The following VRK2 variants were observed in gnomAD, a reference collection of about 807,000 sequenced individuals.
VRK2 encodes VRK serine/threonine kinase 2.
In VRK2, 60 loss-of-function variants were observed where a neutral mutation model predicts 57.6. The observed-to-expected ratio is 1.04, with a 90% CI of 0.85 to 1.29. The LOEUF (loss-of-function observed/expected upper bound fraction) is 1.29, where lower values mean the gene tolerates loss of function less well. Ranked by LOEUF, VRK2 falls within the 50% of genes most tolerant of loss-of-function variation. VRK2 has a pLI of 0.00. For missense variants in VRK2, 705 were observed against 588.1 expected (o/e 1.20, Z -2.06); for synonymous variants, 231 against 199.2 (o/e 1.16, Z -1.35).
chr2:57,948,674 T>A (rs1444855198), intron 1 of VRK2, among the ~76,000 whole-genome samples: 1 of 152,160 alleles, frequency 6.6e-6, no homozygotes, highest in Non-Finnish European at 1.5e-5. Context: ...AAGATTTGGA[T>A]ACCATCTGTG....
chr2:58,082,444 G>A (rs2104124150), intron 2 of VRK2, among the ~76,000 whole-genome samples: 1 of 151,962 alleles, frequency 6.6e-6, no homozygotes. Context: ...ACCTCAGGTA[G>A]CAAAGACAAG....
intron 2 of VRK2, among the ~76,000 whole-genome samples, chr2:58,067,828 C>G (rs949630423): frequency 2.0e-5 from 3 of 152,096 alleles, no homozygotes; most frequent in African/African-American, 7.2e-5. Flanking sequence ...ATCATGTTTT[C>G]TCTTCCTTTA....
intron 2 of VRK2, among the ~76,000 whole-genome samples, chr2:58,074,669 A>T (rs1669836028): frequency 6.6e-6 from 1 of 152,102 alleles, no homozygotes; most frequent in Non-Finnish European, 1.5e-5. Flanking sequence ...CAATTAAAAT[A>T]AAAAAATAAG....
intron 1 of VRK2, among the ~76,000 whole-genome samples, chr2:57,947,911 G>A (rs1671309928): frequency 6.6e-6 from 1 of 152,108 alleles, no homozygotes; most frequent in Non-Finnish European, 1.5e-5. Context: ...CACATTTGGT[G>A]TATTTTCCTA....
intron 9 of VRK2, among the ~76,000 whole-genome samples, chr2:58,132,419 A>G (rs1239705343): frequency 6.6e-6 from 1 of 152,214 alleles, no homozygotes; most frequent in African/African-American, 2.4e-5. Flanking sequence ...TACATGAGCT[A>G]TTTATATGAG....
intron 1 of VRK2, among the ~76,000 whole-genome samples, chr2:57,929,305 A>T (rs1007143266): frequency 1.3e-5 from 2 of 151,972 alleles, no homozygotes; most frequent in African/African-American, 4.8e-5. Flanking sequence ...TCCCCTTTCC[A>T]TAAGCAAAGC....
At chr2:57,955,835 T>C (rs893422195) in intron 1 of VRK2, among the ~76,000 whole-genome samples, 1 of 152,136 alleles carries the variant, frequency 6.6e-6, no homozygotes, top group Non-Finnish European at 1.5e-5. Flanking sequence ...ACGATCATAA[T>C]TTAGCAAAAA....
chr2:58,039,249 T>C (rs913036503), intron 3 of VRK2, among the ~76,000 whole-genome samples: 2 of 152,152 alleles, frequency 1.3e-5, no homozygotes, highest in African/African-American at 2.4e-5. Context: ...CAGCCAAAGA[T>C]AACCGAAAGC....
At chr2:57,977,937 A>G (rs1436671097) in intron 1 of VRK2, among the ~76,000 whole-genome samples, 1 of 151,100 alleles carries the variant, frequency 6.6e-6, no homozygotes, top group Non-Finnish European at 1.5e-5. Flanking sequence ...AGGGTGTTGA[A>G]TTTTATCTAA....
intron 1 of VRK2, among the ~76,000 whole-genome samples, chr2:57,922,140 G>T (rs187063836): frequency 6.6e-6 from 1 of 152,006 alleles, no homozygotes; most frequent in East Asian, 1.9e-4. Context: ...TAAGTTGAGT[G>T]GATTTGGATC....
At chr2:57,946,073 C>G (rs1309705974) in intron 1 of VRK2, among the ~76,000 whole-genome samples, 1 of 152,072 alleles carries the variant, frequency 6.6e-6, no homozygotes, top group Non-Finnish European at 1.5e-5. Flanking sequence ...CAAGCTTTTA[C>G]ATAAATTTGC....
intron 1 of VRK2, among the ~76,000 whole-genome samples, chr2:57,947,893 G>T (rs936571477): frequency 6.6e-6 from 1 of 151,940 alleles, no homozygotes; most frequent in African/African-American, 2.4e-5. Flanking sequence ...TCTCTTCAGC[G>T]ATTTCTCCAC....
At chr2:58,024,137 C>T (rs955730160) in intron 1 of VRK2, among the ~76,000 whole-genome samples, 7 of 151,972 alleles carry the variant, frequency 4.6e-5, no homozygotes, top group Non-Finnish European at 8.8e-5. Flanking sequence ...CTACAGGCGC[C>T]GGCCACCAAA....
intron 5 of VRK2, 39 bp downstream of exon 5, chr2:58,086,465 C>A: frequency 6.6e-7 from 1 of 1,514,526 alleles, no homozygotes; most frequent in South Asian, 1.2e-5. Flanking sequence ...TTCTTTATAA[C>A]TATTCCTTAT....
intron 1 of VRK2, among the ~76,000 whole-genome samples, chr2:58,004,942 A>G (rs1377664858): frequency 6.6e-6 from 1 of 152,178 alleles, no homozygotes; most frequent in Non-Finnish European, 1.5e-5. Flanking sequence ...GTGAATGTAG[A>G]GACTTACAGT....
chr2:58,030,508 T>C (rs556950678), intron 2 of VRK2, among the ~76,000 whole-genome samples: 2 of 152,224 alleles, frequency 1.3e-5, no homozygotes, highest in South Asian at 4.1e-4. Context: ...GCCATCATCC[T>C]AAGCTTTGGC....
intron 2 of VRK2, among the ~76,000 whole-genome samples, chr2:58,082,467 G>A (rs1469505129): frequency 6.6e-6 from 1 of 151,800 alleles, no homozygotes; most frequent in African/African-American, 2.4e-5. Context: ...CCTAAAGTAG[G>A]TACTGTTTTA....
At chr2:58,119,598 C>G (rs1279206976) in intron 7 of VRK2, among the ~76,000 whole-genome samples, 1 of 151,280 alleles carries the variant, frequency 6.6e-6, no homozygotes. Flanking sequence ...AGATTAGTGA[C>G]TTGACTTCTT....
Position 58,062,931 on chromosome 2 carries a change from T to A in VRK2, c.136+13964T>A, listed in dbSNP as rs1292895921. Among the ~76,000 whole-genome samples the A allele has an allele frequency of 3.9e-5, 6 of 152,106 alleles. No individual in the cohort carries two copies. The East Asian group carries it at 1.2e-3, about 29-fold the overall frequency. ...GAAACAGCCTTCTATTGGAAGAAGATACTGTGTAGGACATTCATTGCTAGA... is the reference window on the plus strand; with the variant it reads ...GAAACAGCCTTCTATTGGAAGAAGAAACTGTGTAGGACATTCATTGCTAGA... On this transcript the variant is annotated intron_variant, in intron 2 of 12. Transcript: ENST00000340157.
Sources: gnomAD v4.1 joint callset for allele counts (sites outside exome capture counted in the v4.1 genomes callset) on GRCh38, gnomAD v4.1.1 for gene constraint, MANE v1.5 for transcripts, NCBI Gene and HGNC (gene_info 2026-07-23, HGNC 2026-07-21) for gene names.